The following RYR3 variants were observed in gnomAD, a reference collection of about 807,000 sequenced individuals.
The protein encoded by RYR3 is ryanodine receptor 3.
A neutral mutation model predicts 584.3 loss-of-function variants in RYR3; 207 were observed. The observed-to-expected ratio is 0.35, with a 90% confidence interval of 0.32 to 0.40. RYR3 has a LOEUF of 0.40. Among genes scored for constraint, RYR3 ranks in the 10% least tolerant of loss-of-function variants. The pLI is 1.00. For missense variants in RYR3, 5,616 were observed against 6,089.2 expected (o/e 0.92, Z 2.59); for synonymous variants, 2,416 against 2,248.5 (o/e 1.07, Z -2.11).
At position 33,425,844 on chromosome 15, in the gene RYR3, G is replaced by A. The variant is rs547425767; in HGVS notation, c.52-47575G>A. On this transcript the variant is annotated intron_variant, in intron 1 of 103. Transcript: ENST00000634891. ...TTTTTAGTAGAGACGGGGTTTCACCGTGTTAGCCAGGATGGTCTCAATCTC... is the reference window on the plus strand; with the variant it reads ...TTTTTAGTAGAGACGGGGTTTCACCATGTTAGCCAGGATGGTCTCAATCTC... 8.4e-4 allele frequency among the ~76,000 whole-genome samples: 127 copies of A among 151,880 alleles called. 2 individuals are homozygous for A. The South Asian group carries it at 0.012, about 15-fold the overall frequency.
intron 93 of RYR3, among the ~76,000 whole-genome samples, chr15:33,847,908 A>G (rs1052922774): frequency 2.0e-5 from 3 of 152,158 alleles, no homozygotes; most frequent in South Asian, 2.1e-4. Flanking sequence ...TGGCCGATCT[A>G]TTCTAGAATG....
chr15:33,332,011 C>T (rs1287260799), intron 1 of RYR3, among the ~76,000 whole-genome samples: 2 of 151,758 alleles, frequency 1.3e-5, no homozygotes, highest in Non-Finnish European at 1.5e-5. Context: ...AATTTCTAGA[C>T]TATCCAGGAA....
Position 33,471,802 on chromosome 15 carries a change from T to G in RYR3, c.52-1617T>G, listed in dbSNP as rs1415166789. ...AAGTTTTGAGTACTACCTCTTGCAT[T>G]GCTGATGACTTAACTTCCATGGCCC... is the stretch of plus-strand genomic sequence containing the variant. On this transcript the variant is annotated intron_variant, in intron 1 of 103. Transcript: ENST00000634891. Among the ~76,000 whole-genome samples, 14 of 152,272 alleles carry G rather than the reference T, an allele frequency of 9.2e-5. No individual in the cohort carries two copies. In the East Asian group the frequency reaches 2.5e-3, roughly 27 times the overall value.
intron 2 of RYR3, among the ~76,000 whole-genome samples, chr15:33,474,518 TA>T (rs1203334381): frequency 6.6e-6 from 1 of 152,194 alleles, no homozygotes; most frequent in African/African-American, 2.4e-5. Context: ...TTATCAAGGC[TA>T]ATAGCCTTTT....
intron 38 of RYR3, among the ~76,000 whole-genome samples, chr15:33,680,725 G>C (rs1043843521): frequency 5.9e-5 from 9 of 152,194 alleles, no homozygotes; most frequent in African/African-American, 1.9e-4. Flanking sequence ...AGGAGCATAG[G>C]CTGTAAGTTG....
intron 81 of RYR3, among the ~76,000 whole-genome samples, chr15:33,823,900 T>G (rs2077238728): frequency 1.3e-5 from 2 of 152,204 alleles, no homozygotes; most frequent in Non-Finnish European, 2.9e-5. Context: ...GGTCATCCTT[T>G]CTCTTGGTGG....
chr15:33,753,517 G>T (rs560656880), intron 57 of RYR3, among the ~76,000 whole-genome samples: 1 of 152,264 alleles, frequency 6.6e-6, no homozygotes, highest in South Asian at 2.1e-4. Context: ...GATCATGCTT[G>T]CTGAGTTCTT....
At chr15:33,637,732 CTT>C (rs1270230587) in intron 27 of RYR3, among the ~76,000 whole-genome samples, 1 of 152,174 alleles carries the variant, frequency 6.6e-6, no homozygotes. Context: ...TTATAAATGA[CTT>C]TTGCACTTTT....
intron 1 of RYR3, among the ~76,000 whole-genome samples, chr15:33,332,251 G>T (rs1970452912): frequency 6.6e-6 from 1 of 152,018 alleles, no homozygotes; most frequent in Non-Finnish European, 1.5e-5. Flanking sequence ...AATGAATAGG[G>T]ACAGTGCTTA....
intron 16 of RYR3, among the ~76,000 whole-genome samples, chr15:33,595,469 TTTAACA>T (rs202147100): frequency 0.011 from 1,675 of 152,312 alleles, 37 homozygotes; most frequent in African/African-American, 0.038. Context: ...TCAGTTTGCC[TTTAACA>T]TTAATAATTA....
chr15:33,861,218 C>A, intron 102 of RYR3, 40 bp downstream of exon 102: 1 of 1,468,774 alleles, frequency 6.8e-7, no homozygotes, highest in Non-Finnish European at 9.3e-7. Context: ...GCAGCTGTAG[C>A]GTAAATAAAG....
intron 1 of RYR3, among the ~76,000 whole-genome samples, chr15:33,443,986 C>A (rs1025333224): frequency 2.6e-5 from 4 of 152,110 alleles, no homozygotes; most frequent in African/African-American, 7.2e-5. Flanking sequence ...TTACTCACAC[C>A]CTGTAGGTTA....
chr15:33,445,385 G>C (rs1229428281), intron 1 of RYR3, among the ~76,000 whole-genome samples: 2 of 152,124 alleles, frequency 1.3e-5, no homozygotes, highest in African/African-American at 4.8e-5. Flanking sequence ...TTCAGAGATG[G>C]AGGAGACAGG....
At position 33,456,127 on chromosome 15, in the gene RYR3, A is replaced by G. The variant is rs575224076; in HGVS notation, c.52-17292A>G. ...AAGTTCTTTCTCATATCTCATTTCGATCTCCTCTGCTATGTTTTTAGGGCT... is the reference window on the plus strand; with the variant it reads ...AAGTTCTTTCTCATATCTCATTTCGGTCTCCTCTGCTATGTTTTTAGGGCT... On this transcript the variant is annotated intron_variant, in intron 1 of 103. Coordinates refer to ENST00000634891, the MANE Select transcript of RYR3 (RefSeq NM_001036.6). Among the ~76,000 whole-genome samples the G allele has an allele frequency of 2.0e-3, 299 of 152,114 alleles. 1 individual carries two copies. Among genetic ancestry groups the G allele is most frequent in the African/African-American group, 7.0e-3 (289 of 41,474 alleles).
intron 1 of RYR3, among the ~76,000 whole-genome samples, chr15:33,457,101 AT>A (rs1209587501): frequency 6.6e-6 from 1 of 152,194 alleles, no homozygotes; most frequent in African/African-American, 2.4e-5. Context: ...TTTTCCCCAA[AT>A]TTGGGGAAGA....
In RYR3 at chr15:33,543,701, T is replaced by G. The variant is rs1567495486; in HGVS notation, c.726T>G (p.Asn242Lys). The G allele has an allele frequency of 1.2e-6, 2 of 1,610,944 alleles. No individual in the cohort carries two copies. Among genetic ancestry groups the G allele is most frequent in the Non-Finnish European group, 1.7e-6 (2 of 1,177,204 alleles). ...TGACGATACCATCTACAGACCAGAATGATTCCCAGCACAGGTAAGTCAGTA... is the reference window on the plus strand; with the variant it reads ...TGACGATACCATCTACAGACCAGAAGGATTCCCAGCACAGGTAAGTCAGTA... ...ECLTIPSTDQNDSQHRRIFYE... is the reference protein window; with the variant it reads ...ECLTIPSTDQKDSQHRRIFYE... The change falls in exon 8 of 104, where the codon AAT becomes AAG. Residue 242 changes from asparagine to lysine, a missense_variant. This residue lies in a region of RYR3 where 1,284 missense variants were observed against 1,344.6 expected (regional missense o/e 0.95). Transcript: ENST00000634891.
At chr15:33,789,505 T>G (rs1225861660) in intron 67 of RYR3, among the ~76,000 whole-genome samples, 1 of 149,332 alleles carries the variant, frequency 6.7e-6, no homozygotes, top group Non-Finnish European at 1.5e-5. Flanking sequence ...CACTGGGCTT[T>G]CCTTTTGGGG....
At chr15:33,359,557 C>A (rs978017545) in intron 1 of RYR3, among the ~76,000 whole-genome samples, 5 of 152,138 alleles carry the variant, frequency 3.3e-5, no homozygotes, top group Admixed American at 3.3e-4. Context: ...GGTTTCTGCT[C>A]AAACACAGTC....
At chr15:33,556,537 A>G (rs1229127689) in intron 10 of RYR3, among the ~76,000 whole-genome samples, 1 of 152,226 alleles carries the variant, frequency 6.6e-6, no homozygotes, top group Non-Finnish European at 1.5e-5. Context: ...CAGGACTAAC[A>G]AGAGCTTATA....
Sources: allele counts gnomAD v4.1 joint callset (sites outside exome capture counted in the v4.1 genomes callset), GRCh38; gene constraint gnomAD v4.1.1; regional missense constraint gnomAD v4.1.1; transcripts MANE v1.5; gene names NCBI Gene and HGNC (gene_info 2026-07-23, HGNC 2026-07-21).